ALOX5AP: variants seen among roughly 807,000 people sequenced by gnomAD.
The protein encoded by ALOX5AP is arachidonate 5-lipoxygenase activating protein.
In ALOX5AP, 9 loss-of-function variants were observed where a neutral mutation model predicts 18.5. The observed-to-expected ratio is 0.49, with a 90% CI of 0.29 to 0.85. The LOEUF is 0.85. Among genes scored for constraint, ALOX5AP ranks in the 40% least tolerant of loss-of-function variants. ALOX5AP has a pLI of 0.08. For missense variants in ALOX5AP, 172 were observed against 202.5 expected, an observed-to-expected ratio of 0.85 and a Z score of 0.91; for synonymous variants, 81 against 78.6, an observed-to-expected ratio of 1.03 and a Z score of -0.16.
At chr13:30,735,117 C>A (rs1486024623), upstream of ALOX5AP, among the ~76,000 whole-genome samples, 3 of 152,110 alleles carry the variant, frequency 2.0e-5, no homozygotes, top group Non-Finnish European at 4.4e-5. Context: ...CCCAAGCAAT[C>A]TTCCCACCTC....
Position 30,756,042 on chromosome 13 carries a change from A to G in ALOX5AP, c.323+17A>G. Reference sequence around the variant, plus strand: ...AACGCAGAGGTAGGTAACTGGGACTACTAAAGAACTGTGGAGCGATTCCTG... The same window carrying G: ...AACGCAGAGGTAGGTAACTGGGACTGCTAAAGAACTGTGGAGCGATTCCTG... On this transcript the variant is annotated intron_variant, in intron 4 of 4. Coordinates refer to ENST00000380490, the MANE Select transcript of ALOX5AP (RefSeq NM_001629.4). 6.2e-7 allele frequency: 1 copy of G among 1,610,010 alleles called. No homozygotes were observed. Among genetic ancestry groups the G allele is most frequent in the South Asian group, 1.1e-5 (1 of 91,040 alleles).
chr13:30,713,942 G>T, intron 1 of ALOX5AP: 1 of 1,304,416 alleles, frequency 7.7e-7, no homozygotes. Flanking sequence ...TGGTTTTTAA[G>T]AACCGAGGCT....
At position 30,735,650 on chromosome 13, in the gene ALOX5AP, C is replaced by T; in HGVS notation, c.45C>T (p.Val15=). The change falls in exon 1 of 5, where the codon GTC becomes GTT. Residue 15 remains valine (V), a synonymous_variant. Transcript: ENST00000380490. ...TVGNVVLLAI[V]TLISVVQNGF... is the part of the protein sequence containing the mutation. The stretch of plus-strand genomic sequence containing the variant: ...GCAATGTTGTCCTGTTGGCCATCGT[C>T]ACCCTCATCAGCGTGGTCCAGAATG... 1 of 1,614,152 alleles carries T rather than the reference C, an allele frequency of 6.2e-7. No individual in the cohort carries two copies. Among genetic ancestry groups the T allele is most frequent in the Non-Finnish European group, 8.5e-7 (1 of 1,180,016 alleles).
chr13:30,736,369 A>C (rs9579645), intron 1 of ALOX5AP, among the ~76,000 whole-genome samples: 33,400 of 152,026 alleles, frequency 0.22, 5,020 homozygotes, highest in African/African-American at 0.42. Context: ...ACAACAACAA[A>C]AAACAAGCAG....
upstream of ALOX5AP, among the ~76,000 whole-genome samples, chr13:30,734,029 A>G (rs1271030135): frequency 6.6e-6 from 1 of 152,208 alleles, no homozygotes; most frequent in Non-Finnish European, 1.5e-5. Flanking sequence ...CAGCTTGCAG[A>G]TGGCAAACCA....
chr13:30,734,045 C>T (rs1951702077), upstream of ALOX5AP, among the ~76,000 whole-genome samples: 1 of 152,188 alleles, frequency 6.6e-6, no homozygotes, highest in South Asian at 2.1e-4. Context: ...AACCATGAAA[C>T]TTCATGGTGT....
At chr13:30,743,643 A>G (rs138586746) in intron 1 of ALOX5AP, among the ~76,000 whole-genome samples, 4 of 151,482 alleles carry the variant, frequency 2.6e-5, no homozygotes, top group African/African-American at 9.7e-5. Flanking sequence ...GCTAATTTCT[A>G]CTTGTTCTTC....
chr13:30,737,169 GCC>G (rs1951728405), intron 1 of ALOX5AP, among the ~76,000 whole-genome samples: 1 of 152,216 alleles, frequency 6.6e-6, no homozygotes, highest in African/African-American at 2.4e-5. Flanking sequence ...GGGACCTTGT[GCC>G]CCCTCCCTGC....
intron 1 of ALOX5AP, among the ~76,000 whole-genome samples, chr13:30,719,359 CCT>C (rs1279541018): frequency 6.6e-6 from 1 of 152,186 alleles, no homozygotes; most frequent in Non-Finnish European, 1.5e-5. Flanking sequence ...CAGGGCGTGA[CCT>C]CTCTCTGTCT....
chr13:30,744,164 G>A lies in ALOX5AP; in HGVS notation c.170+5G>A, dbSNP rs200113122. ...TGAGCGGGTCTACACTGCCAAGTGA[G>A]TCCTAACCCTGATGTTGCTAATAAG... On this transcript the variant is annotated splice_donor_5th_base_variant and intron_variant, in intron 2 of 4. Coordinates refer to ENST00000380490, the MANE Select transcript of ALOX5AP (RefSeq NM_001629.4). The A allele has an allele frequency of 6.2e-7, 1 of 1,613,336 alleles. No individual in the cohort carries two copies. Among genetic ancestry groups the A allele is most frequent in the Non-Finnish European group, 8.5e-7 (1 of 1,179,510 alleles).
chr13:30,753,255 T>G (rs1193073955), intron 3 of ALOX5AP, among the ~76,000 whole-genome samples: 2 of 152,220 alleles, frequency 1.3e-5, no homozygotes, highest in Non-Finnish European at 1.5e-5. Flanking sequence ...GTGGCACTCC[T>G]TCTGTGCTGA....
At chr13:30,745,511 A>G (rs1476540396) in intron 2 of ALOX5AP, among the ~76,000 whole-genome samples, 2 of 152,038 alleles carry the variant, frequency 1.3e-5, no homozygotes, top group East Asian at 1.9e-4. Context: ...CCCTTCTCCC[A>G]AGCACTTCTG....
In ALOX5AP at chr13:30,718,382, C is replaced by CATATATATATATATATAT. The variant is rs59562797; in HGVS notation, c.116+4548_116+4565dup. Among the ~76,000 whole-genome samples the CATATATATATATATATAT allele has an allele frequency of 1.8e-3, 253 of 139,664 alleles. 1 individual carries two copies. The highest frequency in any genetic ancestry group is 4.7e-3 in the African/African-American group (182 of 38,742). The allele number at this position is 139,664 out of a possible 152,430, so 91.6% of individuals were successfully genotyped here. The stretch of plus-strand genomic sequence containing the variant: ...TGGATGAAAACCTATCACAGATATG[C>CATATATATATATATATAT]ATATATATATATATATATATATATG... On this transcript the variant is annotated intron_variant, in intron 1 of 5. Transcript: ENST00000617770.
chr13:30,728,035 T>A (rs1566080329), intron 1 of ALOX5AP, among the ~76,000 whole-genome samples: 1 of 152,186 alleles, frequency 6.6e-6, no homozygotes, highest in African/African-American at 2.4e-5. Flanking sequence ...CATCTGGGAA[T>A]AGCATCATTG....
chr13:30,718,403 A>C lies in ALOX5AP; in HGVS notation c.116+4562A>C, dbSNP rs562392422. ...TATGCATATATATATATATATATAT[A>C]TATGCATATCTATAATAACTCCACA... On this transcript the variant is annotated intron_variant, in intron 1 of 5. Coordinates refer to the ALOX5AP transcript ENST00000617770. Among the ~76,000 whole-genome samples, 10 of 145,750 alleles carry C rather than the reference A, an allele frequency of 6.9e-5. No homozygotes were observed. In the East Asian group the frequency reaches 2.0e-3, roughly 29 times the overall value.
At chr13:30,752,183 A>G (rs1475488274) in intron 3 of ALOX5AP, 61 bp downstream of exon 3, 2 of 1,554,386 alleles carry the variant, frequency 1.3e-6, no homozygotes, top group East Asian at 4.5e-5. Flanking sequence ...GGAGGTTCAA[A>G]GGGCAGGCTT....
intron 1 of ALOX5AP, among the ~76,000 whole-genome samples, chr13:30,728,837 G>T (rs1951658307): frequency 6.6e-6 from 1 of 152,198 alleles, no homozygotes; most frequent in Non-Finnish European, 1.5e-5. Flanking sequence ...GACAGAGTGA[G>T]AAAGCTGGTC....
intron 1 of ALOX5AP, among the ~76,000 whole-genome samples, chr13:30,737,143 G>A: frequency 6.6e-6 from 1 of 152,228 alleles, no homozygotes. Context: ...TAAAACTGAG[G>A]AGCATCGGTG....
At chr13:30,719,324 T>A (rs1368361774) in intron 1 of ALOX5AP, among the ~76,000 whole-genome samples, 4 of 152,250 alleles carry the variant, frequency 2.6e-5, no homozygotes. Context: ...GATTTCAGCT[T>A]CATTGCATGC....
Sources: gnomAD v4.1 joint callset for allele counts (sites outside exome capture counted in the v4.1 genomes callset) on GRCh38, gnomAD v4.1.1 for gene constraint, MANE v1.5 for transcripts, NCBI Gene and HGNC (gene_info 2026-07-23, HGNC 2026-07-21) for gene names.